The following CYSLTR2 variants were observed in gnomAD, a reference collection of about 807,000 sequenced individuals.
The protein encoded by CYSLTR2 is G-protein coupled receptor GPCR21.
For synonymous variants in CYSLTR2, 179 were observed against 160.8 expected (o/e 1.11, Z -0.86); for missense variants, 398 against 411.9 (o/e 0.97, Z 0.29).
intron 1 of CYSLTR2, among the ~76,000 whole-genome samples, chr13:48,657,146 T>A (rs1271586721): frequency 6.6e-6 from 1 of 152,264 alleles, no homozygotes; most frequent in Non-Finnish European, 1.5e-5. Flanking sequence ...TTACAGCTAA[T>A]GTTTATCTCT....
chr13:48,691,936 A>T (rs927514868), intron 2 of CYSLTR2, among the ~76,000 whole-genome samples: 6 of 152,060 alleles, frequency 3.9e-5, no homozygotes, highest in African/African-American at 1.2e-4. Context: ...ATTAATTTAA[A>T]TTCAAAGGAT....
At chr13:48,702,783 G>C (rs528373618) in intron 4 of CYSLTR2, among the ~76,000 whole-genome samples, 1 of 152,014 alleles carries the variant, frequency 6.6e-6, no homozygotes, top group Non-Finnish European at 1.5e-5. Context: ...TAGTTCCTCT[G>C]CCTTGTCATT....
At chr13:48,655,660 C>T (rs1023610185) in intron 1 of CYSLTR2, among the ~76,000 whole-genome samples, 10 of 152,322 alleles carry the variant, frequency 6.6e-5, no homozygotes, top group African/African-American at 2.2e-4. Flanking sequence ...TGAATGTAAA[C>T]ATTCACATAG....
intron 1 of CYSLTR2, among the ~76,000 whole-genome samples, chr13:48,654,246 TC>T (rs1952941186): frequency 6.7e-6 from 1 of 149,226 alleles, no homozygotes; most frequent in African/African-American, 2.5e-5. Context: ...TTGGGGATCG[TC>T]CCTTTGTGTG....
intron 1 of CYSLTR2, among the ~76,000 whole-genome samples, chr13:48,688,620 G>C (rs1401041069): frequency 2.6e-5 from 4 of 152,300 alleles, no homozygotes; most frequent in Middle Eastern, 3.4e-3. Flanking sequence ...GTATTCCATG[G>C]CGTATATGTG....
chr13:48,697,501 C>T (rs879156197), intron 4 of CYSLTR2, among the ~76,000 whole-genome samples: 1 of 152,078 alleles, frequency 6.6e-6, no homozygotes, highest in East Asian at 1.9e-4. Context: ...CACCAATACC[C>T]CATCTGTACG....
At chr13:48,687,686 C>G (rs759134336) in intron 1 of CYSLTR2, among the ~76,000 whole-genome samples, 4 of 152,162 alleles carry the variant, frequency 2.6e-5, no homozygotes, top group East Asian at 1.9e-4. Flanking sequence ...TCTCAAGTAG[C>G]CTGTGCTTGA....
At chr13:48,682,909 C>T (rs1399812359) in intron 1 of CYSLTR2, among the ~76,000 whole-genome samples, 1 of 152,068 alleles carries the variant, frequency 6.6e-6, no homozygotes, top group Non-Finnish European at 1.5e-5. Context: ...ATGCCAGTGT[C>T]TGTTGTTCTT....
At chr13:48,673,817 G>A (rs551871598) in intron 1 of CYSLTR2, among the ~76,000 whole-genome samples, 1 of 152,114 alleles carries the variant, frequency 6.6e-6, no homozygotes. Context: ...GGCAGGCCTG[G>A]TGGTGACAAA....
In CYSLTR2 at chr13:48,707,191, GTATT is replaced by G. The variant is rs1243849849; in HGVS notation, c.380_383del (p.Tyr127SerfsTer2). On this transcript the variant is annotated frameshift_variant, in exon 5 of 5. Transcript: ENST00000682523. LOFTEE classifies it low-confidence loss of function (END_TRUNC). ...TCCTTGTATGTCAACATGTACAGCA[GTATT>G]TATTTCCTGACCGTGCTGAGTGTTG... is the stretch of plus-strand genomic sequence containing the variant. The G allele has an allele frequency of 6.2e-7, 1 of 1,614,070 alleles. No individual in the cohort carries two copies. The highest frequency in any genetic ancestry group is 1.3e-5 in the African/African-American group (1 of 74,930).
rs56747924 is a variant in CYSLTR2 at position 48,702,666 on chromosome 13, G to T, written c.-1-4151G>T. 5.2e-3 allele frequency among the ~76,000 whole-genome samples: 791 copies of T among 152,216 alleles called. 7 individuals are homozygous for T. The highest frequency in any genetic ancestry group is 0.018 in the African/African-American group (742 of 41,532). On this transcript the variant is annotated intron_variant, in intron 4 of 4. Transcript: ENST00000682523. ...TGTTGATCTATCTGTTTGTCCTTCA[G>T]CCAATACCATACATTCTTAATTACT...
At chr13:48,693,294 A>T (rs933311517) in intron 2 of CYSLTR2, 144 bp from the exon 3 acceptor site, 18 of 152,052 alleles carry the variant, frequency 1.2e-4, no homozygotes, top group Non-Finnish European at 7.4e-5. Context: ...GAAGACTCTG[A>T]ATCATGCCAA....
chr13:48,673,967 T>C (rs1365536448), intron 1 of CYSLTR2, among the ~76,000 whole-genome samples: 1 of 152,236 alleles, frequency 6.6e-6, no homozygotes, highest in African/African-American at 2.4e-5. Flanking sequence ...TTTTCTGGCT[T>C]GTAGAGTTTC....
rs1954520182 is a variant in CYSLTR2 at position 48,707,231 on chromosome 13, G to C, written c.414G>C (p.Leu138=). 1 of 1,613,992 alleles carries C rather than the reference G, an allele frequency of 6.2e-7. No individual in the cohort carries two copies. The highest frequency in any genetic ancestry group is 1.1e-5 in the South Asian group (1 of 91,084). Residue 138 remains leucine, a synonymous_variant, in exon 5 of 5, where the codon CTG becomes CTC. Transcript: ENST00000682523. ...CCGTGCTGAGTGTTGTGCGTTTCCTGGCAATGGTTCACCCCTTTCGGCTTC... is the reference window on the plus strand; with the variant it reads ...CCGTGCTGAGTGTTGTGCGTTTCCTCGCAATGGTTCACCCCTTTCGGCTTC... The part of the protein sequence containing the change: ...FLTVLSVVRF[L]AMVHPFRLLH...
intron 1 of CYSLTR2, among the ~76,000 whole-genome samples, chr13:48,683,958 A>G (rs1953827845): frequency 6.6e-6 from 1 of 152,202 alleles, no homozygotes; most frequent in Non-Finnish European, 1.5e-5. Flanking sequence ...TCACTCTGTC[A>G]TCCAGACTGA....
intron 1 of CYSLTR2, among the ~76,000 whole-genome samples, chr13:48,661,696 A>G (rs1953133580): frequency 6.6e-6 from 1 of 152,240 alleles, no homozygotes; most frequent in Non-Finnish European, 1.5e-5. Context: ...GTCTCCTGTG[A>G]ACACTTCTAT....
intron 1 of CYSLTR2, among the ~76,000 whole-genome samples, chr13:48,663,976 C>T (rs978977019): frequency 6.6e-6 from 1 of 151,898 alleles, no homozygotes; most frequent in Non-Finnish European, 1.5e-5. Context: ...TCACATGTGG[C>T]CTTTGTTATA....
intron 1 of CYSLTR2, among the ~76,000 whole-genome samples, chr13:48,673,659 GTTA>G (rs1953513328): frequency 6.6e-6 from 1 of 152,074 alleles, no homozygotes; most frequent in Admixed American, 6.5e-5. Flanking sequence ...ATTTGATCCT[GTTA>G]TTATGATGCC....
chr13:48,699,977 T>G (rs1954297444), intron 4 of CYSLTR2, among the ~76,000 whole-genome samples: 1 of 152,034 alleles, frequency 6.6e-6, no homozygotes, highest in Non-Finnish European at 1.5e-5. Flanking sequence ...AGAAAGAAGT[T>G]GAATCCCTGA....
Sources: allele counts gnomAD v4.1 joint callset (sites outside exome capture counted in the v4.1 genomes callset), GRCh38; gene constraint gnomAD v4.1.1; transcripts MANE v1.5; gene names NCBI Gene and HGNC (gene_info 2026-07-23, HGNC 2026-07-21).